Variants in KIAA1217 observed in about 807,000 individuals in gnomAD.
KIAA1217 encodes the protein sickle tail protein homolog.
KIAA1217 carries 88 observed loss-of-function variants against 163.9 expected under a neutral mutation model. The ratio of observed to expected loss-of-function variants is 0.54; its 90% CI spans 0.45 to 0.64. The LOEUF is 0.64. Among genes scored for constraint, KIAA1217 ranks in the 30% least tolerant of loss-of-function variants. The pLI, the probability that KIAA1217 is intolerant of heterozygous loss-of-function variation, is 0.00. For missense variants in KIAA1217, 2,372 were observed against 2,475.0 expected, an observed-to-expected ratio of 0.96 and a Z score of 0.88; for synonymous variants, 903 against 923.1, an observed-to-expected ratio of 0.98 and a Z score of 0.39.
Position 24,527,919 on chromosome 10 carries a change from G to T in KIAA1217, c.2899-17G>T. ...TATGTGTCCACGTAACTTCCTTTAC[G>T]TGCTATATTCCTCCAGAAAGCAGAA... On this transcript the variant is annotated splice_polypyrimidine_tract_variant and intron_variant, in intron 13 of 20. Coordinates refer to ENST00000376454, the MANE Select transcript of KIAA1217 (RefSeq NM_019590.5). 3.7e-6 allele frequency: 6 copies of T among 1,607,910 alleles called. No homozygotes were observed. The highest frequency in any genetic ancestry group is 4.3e-6 in the Non-Finnish European group (5 of 1,175,650).
chr10:24,305,345 G>A (rs1254552576), intron 2 of KIAA1217, among the ~76,000 whole-genome samples: 1 of 152,142 alleles, frequency 6.6e-6, no homozygotes, highest in Non-Finnish European at 1.5e-5. Flanking sequence ...CATCTTAAAA[G>A]ACATGAATCT....
intron 1 of KIAA1217, among the ~76,000 whole-genome samples, chr10:23,707,966 C>A (rs1836997342): frequency 6.6e-6 from 1 of 152,112 alleles, no homozygotes; most frequent in Admixed American, 6.6e-5. Context: ...GGGAGAAAAG[C>A]AGGGTGTATT....
intron 3 of KIAA1217, among the ~76,000 whole-genome samples, chr10:24,401,291 C>T (rs192752207): frequency 6.6e-6 from 1 of 152,090 alleles, no homozygotes; most frequent in African/African-American, 2.4e-5. Flanking sequence ...TTACCATTCA[C>T]AGACTCACTG....
At chr10:24,183,411 CTCTT>C (rs1410924329) in intron 2 of KIAA1217, among the ~76,000 whole-genome samples, 7 of 152,290 alleles carry the variant, frequency 4.6e-5, no homozygotes, top group African/African-American at 1.7e-4. Flanking sequence ...TGTCCTTCCT[CTCTT>C]TCTGTTAGTC....
rs576545861 is a variant in KIAA1217, at chr10:24,367,161, A to G, written c.355-13708A>G. On this transcript the variant is annotated intron_variant, in intron 2 of 20. Transcript: ENST00000376454. ...GATCTCTCTTCAGGCAGAACTTGAC[A>G]TTCAAAGGTACTTGATGAAAATTGA... 58 of 985,628 alleles carry G rather than the reference A, an allele frequency of 5.9e-5. 1 individual carries two copies. In the East Asian group the frequency reaches 4.0e-3, roughly 68 times the overall value. The allele number at this position is 985,628 out of a possible 1,614,324, so 61.1% of individuals were successfully genotyped here.
intron 1 of KIAA1217, among the ~76,000 whole-genome samples, chr10:23,953,577 G>A (rs1321550449): frequency 6.6e-6 from 1 of 152,202 alleles, no homozygotes; most frequent in Non-Finnish European, 1.5e-5. Flanking sequence ...CCATTAAGGG[G>A]AAACATTAGG....
At position 24,202,286 on chromosome 10, in the gene KIAA1217, A is replaced by C. The variant is rs146292550; in HGVS notation, c.-170-17340A>C. Reference sequence around the variant, plus strand: ...TTTGGCAGAGAAGCCAGTAGAGGTGATCAAAGTGATCAGGGCAATTCACTT... The same window carrying C: ...TTTGGCAGAGAAGCCAGTAGAGGTGCTCAAAGTGATCAGGGCAATTCACTT... On this transcript the variant is annotated intron_variant, in intron 2 of 18. Transcript: ENST00000376462. Among the ~76,000 whole-genome samples, 23 of 152,318 alleles carry C rather than the reference A, an allele frequency of 1.5e-4. No homozygotes were observed. In the East Asian group the frequency reaches 4.3e-3, roughly 28 times the overall value.
intron 1 of KIAA1217, among the ~76,000 whole-genome samples, chr10:23,897,720 T>G (rs568574161): frequency 5.7e-4 from 86 of 152,164 alleles, no homozygotes; most frequent in Non-Finnish European, 9.6e-4. Flanking sequence ...ATGATATCAG[T>G]GGAACCATTT....
intron 1 of KIAA1217, among the ~76,000 whole-genome samples, chr10:23,879,971 C>A (rs1025464891): frequency 1.3e-5 from 2 of 151,778 alleles, no homozygotes; most frequent in Non-Finnish European, 2.9e-5. Context: ...ATTACATGGG[C>A]CACTTCTAGG....
chr10:24,031,988 T>C (rs1052870049), intron 2 of KIAA1217, among the ~76,000 whole-genome samples: 2 of 152,222 alleles, frequency 1.3e-5, no homozygotes, highest in African/African-American at 4.8e-5. Flanking sequence ...AAAGGATTTC[T>C]ATAGGTAGCT....
intron 12 of KIAA1217, 51 bp downstream of exon 12, chr10:24,521,980 GA>G (rs2071364059): frequency 6.4e-7 from 1 of 1,573,260 alleles, no homozygotes; most frequent in African/African-American, 1.3e-5. Context: ...GGTGCACTGG[GA>G]AACCGAGAGT....
chr10:24,417,836 A>G (rs1173012831), intron 3 of KIAA1217, among the ~76,000 whole-genome samples: 1 of 149,182 alleles, frequency 6.7e-6, no homozygotes, highest in African/African-American at 2.5e-5. Context: ...ATTTGTTTAT[A>G]TTTGTTGTCA....
At chr10:24,479,793 A>C (rs1292916646) in intron 6 of KIAA1217, among the ~76,000 whole-genome samples, 1 of 152,204 alleles carries the variant, frequency 6.6e-6, no homozygotes, top group Non-Finnish European at 1.5e-5. Flanking sequence ...GCAAAGAGGG[A>C]GAAATCTGAG....
At chr10:24,295,633 A>G (rs948469395) in intron 2 of KIAA1217, among the ~76,000 whole-genome samples, 1 of 151,920 alleles carries the variant, frequency 6.6e-6, no homozygotes, top group South Asian at 2.1e-4. Context: ...CCCCTGTTTC[A>G]CCATTTTATC....
chr10:24,369,179 ATGTGTGTGTGTGTG>A (rs59687010), intron 2 of KIAA1217, among the ~76,000 whole-genome samples: 2,788 of 139,632 alleles, frequency 0.02, 74 homozygotes, highest in East Asian at 0.1. Flanking sequence ...AACTTTCACT[ATGTGTGTGTGTGTG>A]TGTGTGTGTG....
intron 2 of KIAA1217, among the ~76,000 whole-genome samples, chr10:24,152,286 A>G (rs2064656351): frequency 6.6e-6 from 1 of 152,228 alleles, no homozygotes. Flanking sequence ...TGCAAATGGT[A>G]GCAATGTGCT....
At chr10:24,515,720 G>A (rs1461652080) in intron 10 of KIAA1217, among the ~76,000 whole-genome samples, 1 of 152,200 alleles carries the variant, frequency 6.6e-6, no homozygotes, top group African/African-American at 2.4e-5. Flanking sequence ...CCTGAATGAA[G>A]TCATTCTTTG....
At chr10:23,981,070 G>T (rs774434355) in intron 1 of KIAA1217, among the ~76,000 whole-genome samples, 1 of 152,136 alleles carries the variant, frequency 6.6e-6, no homozygotes, top group Non-Finnish European at 1.5e-5. Flanking sequence ...TTGCACCAAA[G>T]CAGAGATAAA....
At chr10:24,373,031 T>C (rs1261452912) in intron 2 of KIAA1217, among the ~76,000 whole-genome samples, 1 of 152,234 alleles carries the variant, frequency 6.6e-6, no homozygotes, top group East Asian at 1.9e-4. Context: ...TAAGGAAATC[T>C]TGAGGAGCTT....
Sources: gnomAD v4.1 joint callset for allele counts (sites outside exome capture counted in the v4.1 genomes callset) on GRCh38, gnomAD v4.1.1 for gene constraint, MANE v1.5 for transcripts, NCBI Gene and HGNC (gene_info 2026-07-23, HGNC 2026-07-21) for gene names.